The following WWOX variants were observed in gnomAD, a reference collection of about 807,000 sequenced individuals.
WWOX encodes the protein WW domain containing oxidoreductase.
In WWOX, 69 loss-of-function variants were observed where a neutral mutation model predicts 46.2. The ratio of observed to expected loss-of-function variants is 1.49; its 90% CI spans 1.23 to 1.82. The LOEUF is 1.82. WWOX is among the 40% of genes most tolerant of loss of function. The probability of loss-of-function intolerance (pLI) is 0.00; values close to 1 mark genes in which losing one functional copy is unlikely to be tolerated. For missense variants in WWOX, 919 were observed against 542.6 expected (o/e 1.69, Z -6.89); for synonymous variants, 359 against 202.6 (o/e 1.77, Z -6.56).
At chr16:78,642,524 C>T (rs1245985360) in intron 8 of WWOX, among the ~76,000 whole-genome samples, 3 of 152,116 alleles carry the variant, frequency 2.0e-5, no homozygotes, top group African/African-American at 7.2e-5. Flanking sequence ...GTCCACAGTC[C>T]TCAGTTATTT....
chr16:78,157,550 G>C (rs573673033), intron 4 of WWOX, among the ~76,000 whole-genome samples: 1 of 152,264 alleles, frequency 6.6e-6, no homozygotes, highest in South Asian at 2.1e-4. Flanking sequence ...AATACTTCAG[G>C]TTTGAAATCC....
chr16:78,835,215 C>T (rs753464615), intron 8 of WWOX, among the ~76,000 whole-genome samples: 1 of 152,136 alleles, frequency 6.6e-6, no homozygotes, highest in Non-Finnish European at 1.5e-5. Context: ...CTTCTTACCA[C>T]CTAGAAAACA....
At chr16:78,449,149 T>C (rs919946554) in intron 8 of WWOX, among the ~76,000 whole-genome samples, 2 of 152,124 alleles carry the variant, frequency 1.3e-5, no homozygotes, top group Non-Finnish European at 2.9e-5. Flanking sequence ...TATGGCCCAG[T>C]GGATTGAAGG....
intron 8 of WWOX, among the ~76,000 whole-genome samples, chr16:78,596,971 T>C (rs2045506083): frequency 6.6e-6 from 1 of 152,160 alleles, no homozygotes; most frequent in South Asian, 2.1e-4. Context: ...GTTCTAGCTA[T>C]GCAGATGCAG....
chr16:78,614,235 C>G (rs752499687), intron 8 of WWOX, among the ~76,000 whole-genome samples: 1 of 152,272 alleles, frequency 6.6e-6, no homozygotes, highest in Admixed American at 6.5e-5. Flanking sequence ...GTGTTGACAG[C>G]CTTTTGGGTT....
chr16:79,158,936 A>T (rs1028179918), intron 8 of WWOX, among the ~76,000 whole-genome samples: 1 of 152,214 alleles, frequency 6.6e-6, no homozygotes, highest in Admixed American at 6.5e-5. Context: ...ACACACCAGG[A>T]ACGTGACATT....
intron 8 of WWOX, among the ~76,000 whole-genome samples, chr16:78,446,587 C>A (rs910691706): frequency 6.6e-6 from 1 of 150,664 alleles, no homozygotes; most frequent in Admixed American, 6.6e-5. Flanking sequence ...TCATTATTAC[C>A]TTATAAAAAT....
At chr16:78,887,490 C>G (rs1252168437) in intron 8 of WWOX, among the ~76,000 whole-genome samples, 4 of 145,484 alleles carry the variant, frequency 2.7e-5, no homozygotes, top group African/African-American at 1.0e-4. Flanking sequence ...CACACACACA[C>G]ACACACACAC....
rs574104265 is a variant in WWOX, at chr16:78,228,823, A to G, written c.516+64534A>G. 3.9e-5 allele frequency among the ~76,000 whole-genome samples: 6 copies of G among 152,222 alleles called. 1 individual carries two copies. The South Asian group carries it at 1.2e-3, about 32-fold the overall frequency. ...TCATTTACCACTCTCTCCTTCCTGGAGGTGTGGAAATACTCTACCTGGGTG... is the reference window on the plus strand; with the variant it reads ...TCATTTACCACTCTCTCCTTCCTGGGGGTGTGGAAATACTCTACCTGGGTG... On this transcript the variant is annotated intron_variant, in intron 5 of 8. Transcript: ENST00000566780.
intron 8 of WWOX, among the ~76,000 whole-genome samples, chr16:79,174,705 A>G (rs555698036): frequency 1.3e-5 from 2 of 152,214 alleles, no homozygotes; most frequent in Non-Finnish European, 2.9e-5. Context: ...CGCCCTAAGC[A>G]CTGAGGTGAA....
intron 8 of WWOX, among the ~76,000 whole-genome samples, chr16:78,722,349 A>T (rs143558490): frequency 6.6e-6 from 1 of 152,310 alleles, no homozygotes; most frequent in East Asian, 1.9e-4. Flanking sequence ...CATCTGTAAA[A>T]TGGAGATCGC....
At chr16:79,048,996 A>G (rs779330089) in intron 8 of WWOX, among the ~76,000 whole-genome samples, 8 of 152,130 alleles carry the variant, frequency 5.3e-5, no homozygotes, top group Non-Finnish European at 7.4e-5. Flanking sequence ...CAAATATGCA[A>G]TGAGAATCCC....
intron 8 of WWOX, among the ~76,000 whole-genome samples, chr16:78,599,797 C>G (rs2045578116): frequency 6.6e-6 from 1 of 152,092 alleles, no homozygotes; most frequent in East Asian, 1.9e-4. Context: ...TCTCTGCACT[C>G]TGGGTCTTGC....
At chr16:78,408,494 C>T (rs1483068712) in intron 6 of WWOX, among the ~76,000 whole-genome samples, 1 of 152,148 alleles carries the variant, frequency 6.6e-6, no homozygotes. Flanking sequence ...CCATTGTCTG[C>T]ATGCCTAATT....
At chr16:78,800,931 C>A (rs946923943) in intron 8 of WWOX, among the ~76,000 whole-genome samples, 1 of 135,218 alleles carries the variant, frequency 7.4e-6, no homozygotes, top group East Asian at 2.0e-4. Context: ...ATCAAACTCT[C>A]AAATGGAAGT....
chr16:78,821,825 C>T (rs763384718), intron 8 of WWOX, among the ~76,000 whole-genome samples: 12 of 152,174 alleles, frequency 7.9e-5, no homozygotes, highest in African/African-American at 1.4e-4. Flanking sequence ...TAGATTCAGG[C>T]TTCTGAGTCC....
At chr16:78,926,602 A>G (rs2045504242) in intron 8 of WWOX, among the ~76,000 whole-genome samples, 1 of 151,994 alleles carries the variant, frequency 6.6e-6, no homozygotes, top group South Asian at 2.1e-4. Flanking sequence ...GTGATGCGGG[A>G]GTGGTTTGTC....
chr16:78,797,916 A>T (rs2050786493), intron 8 of WWOX, among the ~76,000 whole-genome samples: 1 of 152,216 alleles, frequency 6.6e-6, no homozygotes, highest in Non-Finnish European at 1.5e-5. Context: ...TGAGCCCAAG[A>T]GGTCAAGACG....
chr16:78,583,095 G>A (rs1168972080), intron 8 of WWOX, among the ~76,000 whole-genome samples: 1 of 152,250 alleles, frequency 6.6e-6, no homozygotes, highest in Non-Finnish European at 1.5e-5. Context: ...GAAGATGGGA[G>A]TTAGGAGAAG....
Sources: allele counts gnomAD v4.1 joint callset (sites outside exome capture counted in the v4.1 genomes callset), GRCh38; gene constraint gnomAD v4.1.1; transcripts MANE v1.5; gene names NCBI Gene and HGNC (gene_info 2026-07-23, HGNC 2026-07-21).